MAP2K3: variants seen among roughly 807,000 people sequenced by gnomAD.
The protein encoded by MAP2K3 is dual specificity mitogen-activated protein kinase kinase 3.
Under a neutral mutation model 46.4 loss-of-function variants are expected in MAP2K3, and 30 were observed. That is an observed-to-expected ratio of 0.65 (90% confidence interval 0.48 to 0.88). The LOEUF is 0.88. Ranked by LOEUF, MAP2K3 falls within the 40% of genes least tolerant of loss-of-function variation. The probability of loss-of-function intolerance (pLI) is 0.00; values close to 1 mark genes in which losing one functional copy is unlikely to be tolerated. For missense variants in MAP2K3, 380 were observed against 464.5 expected (o/e 0.82, Z 1.67); for synonymous variants, 189 against 176.3 (o/e 1.07, Z -0.57).
rs764465855 is a variant in MAP2K3 at position 21,314,255 on chromosome 17, G to A, written c.*25G>A. ...GGGGCTGGGCCTCGGACCCCACTCCGGCCCTCCAGAGCCCCACAGCCCCAT... is the reference window on the plus strand; with the variant it reads ...GGGGCTGGGCCTCGGACCCCACTCCAGCCCTCCAGAGCCCCACAGCCCCAT... On this transcript the variant is annotated 3_prime_UTR_variant, in exon 12 of 12. Transcript: ENST00000342679. 13 of 1,595,702 alleles carry A rather than the reference G, an allele frequency of 8.1e-6. No individual in the cohort carries two copies. The highest frequency in any genetic ancestry group is 2.2e-5 in the South Asian group (2 of 90,722).
chr17:21,299,058 G>T, intron 3 of MAP2K3, 132 bp downstream of exon 3: 1 of 1,263,624 alleles, frequency 7.9e-7, no homozygotes. Context: ...GAAGAGCCTC[G>T]TCCTGCGCTG....
chr17:21,289,744 T>C (rs1257958627), intron 1 of MAP2K3, among the ~76,000 whole-genome samples: 1 of 152,218 alleles, frequency 6.6e-6, no homozygotes, highest in African/African-American at 2.4e-5. Flanking sequence ...AAGCAGTTTG[T>C]TGGGCCCCTT....
chr17:21,298,749 C>A, intron 2 of MAP2K3, 129 bp from the exon 3 acceptor site: 8 of 1,380,890 alleles, frequency 5.8e-6, no homozygotes, highest in Non-Finnish European at 7.1e-6. Flanking sequence ...GAGGAGGTGG[C>A]CGGAGAAGGC....
At chr17:21,293,881 G>A (rs1451815100) in intron 1 of MAP2K3, among the ~76,000 whole-genome samples, 2 of 152,310 alleles carry the variant, frequency 1.3e-5, no homozygotes, top group East Asian at 1.9e-4. Context: ...ATCCTCTCCA[G>A]AGCCCAGGAC....
chr17:21,296,289 A>G, intron 1 of MAP2K3: 1 of 969,248 alleles, frequency 1.0e-6, no homozygotes, highest in Non-Finnish European at 1.4e-6. Flanking sequence ...CCAGGGTCGC[A>G]GAGCTGGAGT....
At chr17:21,312,382 C>A in intron 10 of MAP2K3, 101 bp downstream of exon 10, 1 of 1,266,212 alleles carries the variant, frequency 7.9e-7, no homozygotes, top group East Asian at 3.1e-5. Context: ...CAAATAAACC[C>A]CCAGATGACT....
At chr17:21,296,314 C>T in intron 1 of MAP2K3, 1 of 672,640 alleles carries the variant, frequency 1.5e-6, no homozygotes, top group Non-Finnish European at 2.3e-6. Context: ...CACGGCTGCG[C>T]CACTCCAAGC....
chr17:21,296,392 C>A (rs1976252677), intron 1 of MAP2K3, among the ~76,000 whole-genome samples: 1 of 152,312 alleles, frequency 6.6e-6, no homozygotes. Flanking sequence ...AAGCTGCTGG[C>A]CCTGTGTGCC....
intron 1 of MAP2K3, chr17:21,291,460 C>T (rs1199885670): frequency 2.2e-6 from 1 of 456,494 alleles, no homozygotes; most frequent in East Asian, 6.9e-5. Flanking sequence ...GGCCTGTCGA[C>T]AGTGCAGGTG....
intron 3 of MAP2K3, among the ~76,000 whole-genome samples, chr17:21,299,926 G>A (rs1471573687): frequency 5.7e-3 from 861 of 151,782 alleles, no homozygotes; most frequent in African/African-American, 0.02. Flanking sequence ...AGGTTGCAGT[G>A]AGCCAAGATT....
intron 10 of MAP2K3, among the ~76,000 whole-genome samples, chr17:21,313,239 A>C (rs1977247761): frequency 6.6e-6 from 1 of 152,186 alleles, no homozygotes; most frequent in African/African-American, 2.4e-5. Context: ...GTTGATATGG[A>C]AATTCCTAGG....
intron 1 of MAP2K3, among the ~76,000 whole-genome samples, chr17:21,295,085 C>G (rs911858625): frequency 6.6e-6 from 1 of 152,310 alleles, no homozygotes; most frequent in South Asian, 2.1e-4. Context: ...AAAGGCAAGA[C>G]GACGTAGTAG....
At chr17:21,299,057 C>G in intron 3 of MAP2K3, 131 bp downstream of exon 3, 1 of 1,372,950 alleles carries the variant, frequency 7.3e-7, no homozygotes, top group Non-Finnish European at 1.0e-6. Flanking sequence ...AGAAGAGCCT[C>G]GTCCTGCGCT....
chr17:21,284,907 G>A lies in MAP2K3; in HGVS notation c.-14G>A. The A allele has an allele frequency of 1.9e-6, 3 of 1,612,060 alleles. No homozygotes were observed. The highest frequency in any genetic ancestry group is 2.5e-6 in the Non-Finnish European group (3 of 1,179,592). ...TAGATTAGTCTCCACCGCCGTCCAGGACCCACTTGCAGCATGGAGTCGCCC... is the reference window on the plus strand; with the variant it reads ...TAGATTAGTCTCCACCGCCGTCCAGAACCCACTTGCAGCATGGAGTCGCCC... On this transcript the variant is annotated 5_prime_UTR_variant, in exon 1 of 12. Coordinates refer to ENST00000342679, the MANE Select transcript of MAP2K3 (RefSeq NM_145109.3).
intron 1 of MAP2K3, among the ~76,000 whole-genome samples, chr17:21,286,533 C>T (rs1243557271): frequency 6.6e-6 from 1 of 152,144 alleles, no homozygotes; most frequent in Non-Finnish European, 1.5e-5. Context: ...GTGAGTAACT[C>T]GGGAGGCACT....
chr17:21,313,967 G>A (rs1977288132), intron 11 of MAP2K3, 180 bp from the exon 12 acceptor site: 3 of 644,864 alleles, frequency 4.7e-6, no homozygotes. Context: ...GAGAGCTGAG[G>A]AGGAGCCACA....
intron 7 of MAP2K3, 143 bp downstream of exon 7, chr17:21,303,377 C>A: frequency 1.7e-6 from 2 of 1,195,700 alleles, no homozygotes; most frequent in Non-Finnish European, 2.4e-6. Flanking sequence ...AGCCGCTTTC[C>A]ACCTGCAGCC....
intron 6 of MAP2K3, 137 bp downstream of exon 6, chr17:21,302,396 G>A: frequency 1.1e-6 from 1 of 949,058 alleles, no homozygotes; most frequent in Non-Finnish European, 1.6e-6. Context: ...AACCTGGGCA[G>A]CTGCCCTGCA....
chr17:21,298,207 T>A, intron 1 of MAP2K3: 1 of 777,412 alleles, frequency 1.3e-6, no homozygotes. Context: ...CAGGCCTGGG[T>A]CTGTCCTGCT....
Sources: gnomAD v4.1 joint callset for allele counts (sites outside exome capture counted in the v4.1 genomes callset) on GRCh38, gnomAD v4.1.1 for gene constraint, MANE v1.5 for transcripts, NCBI Gene and HGNC (gene_info 2026-07-23, HGNC 2026-07-21) for gene names.